The following C14orf39 variants were observed in gnomAD, a reference collection of about 807,000 sequenced individuals.
The protein encoded by C14orf39 is protein SIX6OS1.
Under a neutral mutation model 85.6 loss-of-function variants are expected in C14orf39, and 66 were observed. The ratio of observed to expected loss-of-function variants is 0.77; its 90% CI spans 0.63 to 0.95. C14orf39 has a LOEUF of 0.95. C14orf39 is among the 40% of genes least tolerant of loss of function. The probability of loss-of-function intolerance (pLI) is 0.00; values close to 1 mark genes in which losing one functional copy is unlikely to be tolerated. For missense variants in C14orf39, 735 were observed against 663.9 expected (o/e 1.11, Z -1.18); for synonymous variants, 242 against 214.0 (o/e 1.13, Z -1.14).
chr14:60,477,519 G>A (rs1892438610), intron 5 of C14orf39, among the ~76,000 whole-genome samples: 1 of 151,990 alleles, frequency 6.6e-6, no homozygotes, highest in African/African-American at 2.4e-5. Context: ...TAATCCCCAA[G>A]ACAATGTGAT....
chr14:60,442,214 GTTC>G, intron 16 of C14orf39, 83 bp from the exon 17 acceptor site: 1 of 844,276 alleles, frequency 1.2e-6, no homozygotes, highest in Non-Finnish European at 1.9e-6. Flanking sequence ...CTAAAGCTTA[GTTC>G]TTCTAACACA....
chr14:60,450,313 C>T (rs1209282176), intron 16 of C14orf39, among the ~76,000 whole-genome samples: 1 of 152,132 alleles, frequency 6.6e-6, no homozygotes, highest in Non-Finnish European at 1.5e-5. Context: ...GGGTGAGATC[C>T]CATGCCTGGC....
At chr14:60,470,763 T>C (rs1892037048) in intron 7 of C14orf39, among the ~76,000 whole-genome samples, 1 of 151,780 alleles carries the variant, frequency 6.6e-6, no homozygotes, top group Non-Finnish European at 1.5e-5. Context: ...AGGTAGGATG[T>C]GGGGATAAAG....
At position 60,467,016 on chromosome 14, in the gene C14orf39, T is replaced by A; in HGVS notation, c.796A>T (p.Thr266Ser). 1 of 1,420,630 alleles carries A rather than the reference T, an allele frequency of 7.0e-7. No individual in the cohort carries two copies. Among genetic ancestry groups the A allele is most frequent in the South Asian group, 1.6e-5 (1 of 62,478 alleles). 88.0% of individuals were successfully genotyped at this position (1,420,630 alleles called of 1,614,324 possible). ...RIFGKDEHVL[T>S]LNKTQSSQLF... ...TGACTGCTTTGAGTTTTATTCAATG[T>A]AAGTACATGCTCATCTTTTCCAAAA... The change falls in exon 10 of 18, where the codon ACA (threonine) becomes TCA (serine). Residue 266 changes from threonine (T) to serine (S), a missense_variant. Physicochemically the swap from Thr to Ser is moderately conservative, Grantham distance 58. Coordinates refer to ENST00000321731, the MANE Select transcript of C14orf39 (RefSeq NM_174978.3).
chr14:60,459,425 T>C (rs1891422224), intron 13 of C14orf39, among the ~76,000 whole-genome samples: 1 of 151,672 alleles, frequency 6.6e-6, no homozygotes, highest in Admixed American at 6.6e-5. Flanking sequence ...ATGGGGTATG[T>C]ATATCTCTCA....
At chr14:60,444,803 A>C (rs1890683596) in intron 16 of C14orf39, among the ~76,000 whole-genome samples, 1 of 152,220 alleles carries the variant, frequency 6.6e-6, no homozygotes, top group South Asian at 2.1e-4. Context: ...CCAGAGAGAA[A>C]GGTCGGGTTA....
intron 17 of C14orf39, among the ~76,000 whole-genome samples, chr14:60,440,957 G>A (rs780583210): frequency 1.4e-4 from 21 of 151,890 alleles, no homozygotes; most frequent in African/African-American, 4.6e-4. Context: ...CTTGCAATAC[G>A]GCAATCACCT....
chr14:60,457,766 G>A (rs1419439186), intron 14 of C14orf39, among the ~76,000 whole-genome samples: 1 of 151,848 alleles, frequency 6.6e-6, no homozygotes, highest in Non-Finnish European at 1.5e-5. Context: ...TAGTTAGACT[G>A]AACTTGATAT....
chr14:60,439,610 C>G (rs1890414222), intron 17 of C14orf39, among the ~76,000 whole-genome samples: 1 of 152,114 alleles, frequency 6.6e-6, no homozygotes. Context: ...TTCAGCTACA[C>G]TGAGTTTTTA....
At chr14:60,448,228 A>G (rs1890869332) in intron 16 of C14orf39, among the ~76,000 whole-genome samples, 1 of 152,244 alleles carries the variant, frequency 6.6e-6, no homozygotes, top group Non-Finnish European at 1.5e-5. Context: ...GTGCACAGCA[A>G]AAGAAACTAT....
intron 14 of C14orf39, among the ~76,000 whole-genome samples, chr14:60,458,366 T>C (rs1199360037): frequency 1.3e-5 from 2 of 151,996 alleles, no homozygotes; most frequent in Non-Finnish European, 2.9e-5. Flanking sequence ...AGTGAGAAGA[T>C]GTGATATTTG....
At chr14:60,485,302 G>T (rs375772463) in intron 1 of C14orf39, among the ~76,000 whole-genome samples, 2 of 152,294 alleles carry the variant, frequency 1.3e-5, no homozygotes, top group African/African-American at 4.8e-5. Flanking sequence ...TGTTGAGTCG[G>T]GGCACGACTT....
chr14:60,461,558 T>C lies in C14orf39; in HGVS notation c.1008A>G (p.Lys336=), dbSNP rs375846620. ...TTGTGATAGTCGTAATATGTGAACA[T>C]TTTGAATGGTTATCCACAGCAGAGT... ...FNDSAVDNHS[K]CSHITTITSS... The change falls in exon 12 of 18, where the codon AAA becomes AAG. Residue 336 remains lysine, a synonymous_variant. Coordinates refer to ENST00000321731, the MANE Select transcript of C14orf39 (RefSeq NM_174978.3). 2.9e-5 allele frequency: 46 copies of C among 1,585,112 alleles called. No individual in the cohort carries two copies. The African/African-American group carries it at 6.3e-4, about 22-fold the overall frequency.
chr14:60,503,161 A>T (rs1893166621), intron 1 of C14orf39, among the ~76,000 whole-genome samples: 1 of 152,156 alleles, frequency 6.6e-6, no homozygotes, highest in Non-Finnish European at 1.5e-5. Flanking sequence ...CTGCCAATAC[A>T]CAGTGTGCTG....
At chr14:60,482,379 G>C (rs553987609) in intron 4 of C14orf39, among the ~76,000 whole-genome samples, 1 of 152,158 alleles carries the variant, frequency 6.6e-6, no homozygotes, top group African/African-American at 2.4e-5. Flanking sequence ...GACAATTCCA[G>C]TGTTGGCAAG....
rs1386368064 is a variant in C14orf39 at position 60,491,734 on chromosome 14, A to G, written c.-8-6648T>C. 6.6e-6 allele frequency among the ~76,000 whole-genome samples: 1 copy of G among 152,134 alleles called. No individual in the cohort carries two copies. Among genetic ancestry groups the G allele is most frequent in the Admixed American group, 6.5e-5 (1 of 15,270 alleles). On this transcript the variant is annotated intron_variant, in intron 2 of 5. Coordinates refer to the C14orf39 transcript ENST00000556799. This position sits in a 1 kb window ranked among gnomAD's most constrained non-coding sequence, Gnocchi z 4.5. ...CTAACTTCCAAACTGGTTTTGCCAC[A>G]TATCTACTCTAGCCCTCTTGCCCAT... is the stretch of plus-strand genomic sequence containing the variant.
intron 1 of C14orf39, 66 bp from the exon 2 acceptor site, chr14:60,485,152 G>A (rs1050585119): frequency 3.7e-5 from 49 of 1,338,958 alleles, no homozygotes; most frequent in Non-Finnish European, 4.7e-5. Flanking sequence ...GATATATTTC[G>A]TAACGACCTT....
intron 5 of C14orf39, among the ~76,000 whole-genome samples, chr14:60,473,248 C>T (rs948928072): frequency 1.8e-4 from 27 of 151,310 alleles, no homozygotes; most frequent in African/African-American, 5.8e-4. Context: ...TTTTTGATGG[C>T]GTTCTTTGTT....
At chr14:60,466,263 A>G (rs1891787062) in intron 10 of C14orf39, among the ~76,000 whole-genome samples, 1 of 152,008 alleles carries the variant, frequency 6.6e-6, no homozygotes, top group Non-Finnish European at 1.5e-5. Context: ...TGAAATGACA[A>G]AAGGCCAACT....
Sources: gnomAD v4.1 joint callset for allele counts (sites outside exome capture counted in the v4.1 genomes callset) on GRCh38, gnomAD v4.1.1 for gene constraint, Gnocchi (gnomAD v3.1) non-coding constraint, MANE v1.5 for transcripts, NCBI Gene and HGNC (gene_info 2026-07-23, HGNC 2026-07-21) for gene names.